The following SOX5 variants were observed in gnomAD, a reference collection of about 807,000 sequenced individuals.
The protein encoded by SOX5 is SRY-box transcription factor 5.
In SOX5, 9 loss-of-function variants were observed where a neutral mutation model predicts 92.0. The observed-to-expected ratio is 0.10, with a 90% CI of 0.06 to 0.17. The LOEUF (loss-of-function observed/expected upper bound fraction) is 0.17, where lower values mean the gene tolerates loss of function less well. Among genes scored for constraint, SOX5 ranks in the 10% least tolerant of loss-of-function variants. The probability of loss-of-function intolerance (pLI) is 1.00; values close to 1 mark genes in which losing one functional copy is unlikely to be tolerated. For missense variants in SOX5, 642 were observed against 944.5 expected, an observed-to-expected ratio of 0.68 and a Z score of 4.20; for synonymous variants, 344 against 336.3, an observed-to-expected ratio of 1.02 and a Z score of -0.25.
intron 6 of SOX5, among the ~76,000 whole-genome samples, chr12:23,705,617 T>A (rs2091288150): frequency 6.6e-6 from 1 of 152,044 alleles, no homozygotes; most frequent in Non-Finnish European, 1.5e-5. Flanking sequence ...TATAAAGGCC[T>A]TATTTTCCTA....
At chr12:23,766,967 A>G (rs1284991189) in intron 3 of SOX5, among the ~76,000 whole-genome samples, 1 of 152,154 alleles carries the variant, frequency 6.6e-6, no homozygotes, top group Non-Finnish European at 1.5e-5. Flanking sequence ...TAATCCCAGC[A>G]CTTTGGGAAG....
chr12:23,818,657 A>G lies in SOX5; in HGVS notation c.481+27326T>C, dbSNP rs137928709. ...TTCTACTTTATAAGCTTTTAAATTA[A>G]TTTTATAATTAATTAAATTAACTTT... On this transcript the variant is annotated intron_variant, in intron 3 of 14. Transcript: ENST00000451604. 4.6e-3 allele frequency among the ~76,000 whole-genome samples: 701 copies of G among 152,330 alleles called. 10 individuals carry two copies. Among genetic ancestry groups the G allele is most frequent in the African/African-American group, 0.016 (659 of 41,580 alleles).
chr12:24,554,173 C>T (rs995086248), intron 1 of SOX5, among the ~76,000 whole-genome samples: 3 of 152,288 alleles, frequency 2.0e-5, no homozygotes, highest in South Asian at 2.1e-4. Flanking sequence ...CATCAAACAA[C>T]GTCAGCTCTT....
chr12:23,951,813 G>A (rs1198180623), upstream of SOX5, among the ~76,000 whole-genome samples: 1 of 152,044 alleles, frequency 6.6e-6, no homozygotes, highest in African/African-American at 2.4e-5. Context: ...TTCACTTTCA[G>A]CAGTTGGGGA....
intron 3 of SOX5, among the ~76,000 whole-genome samples, chr12:24,261,423 A>C (rs1942070451): frequency 6.6e-6 from 1 of 152,166 alleles, no homozygotes; most frequent in Non-Finnish European, 1.5e-5. Flanking sequence ...GCATTTACAC[A>C]GTTTCTGTTG....
intron 4 of SOX5, among the ~76,000 whole-genome samples, chr12:24,139,510 T>C (rs551329066): frequency 4.2e-4 from 64 of 152,356 alleles, no homozygotes; most frequent in Middle Eastern, 3.4e-3. Context: ...TTGTGGTCAA[T>C]TGGTCAAAAC....
chr12:23,758,047 TTAAGAC>T (rs2094453393), intron 3 of SOX5, among the ~76,000 whole-genome samples: 1 of 150,412 alleles, frequency 6.6e-6, no homozygotes, highest in Admixed American at 6.6e-5. Flanking sequence ...AATAACTTCT[TTAAGAC>T]TAAGTTATTT....
At chr12:24,328,962 T>A (rs1158150006) in intron 2 of SOX5, among the ~76,000 whole-genome samples, 1 of 152,174 alleles carries the variant, frequency 6.6e-6, no homozygotes, top group Non-Finnish European at 1.5e-5. Context: ...ATACAAAATA[T>A]TTCTATTGGT....
At chr12:23,555,701 C>T (rs1003341709) in intron 11 of SOX5, among the ~76,000 whole-genome samples, 1 of 152,160 alleles carries the variant, frequency 6.6e-6, no homozygotes, top group African/African-American at 2.4e-5. Flanking sequence ...ACACAAACTC[C>T]ATGAAGCAAA....
At chr12:24,183,230 T>C (rs1219456234) in intron 4 of SOX5, among the ~76,000 whole-genome samples, 3 of 152,204 alleles carry the variant, frequency 2.0e-5, no homozygotes, top group African/African-American at 7.2e-5. Context: ...TAAAACCATA[T>C]ACTACTCCAC....
At chr12:24,278,789 A>G (rs1944807225) in intron 2 of SOX5, among the ~76,000 whole-genome samples, 1 of 152,138 alleles carries the variant, frequency 6.6e-6, no homozygotes, top group Admixed American at 6.6e-5. Context: ...CTGAAGTAGA[A>G]TAAAGGCTGT....
chr12:24,173,896 G>A (rs751658718), intron 4 of SOX5, among the ~76,000 whole-genome samples: 43 of 152,122 alleles, frequency 2.8e-4, no homozygotes, highest in Non-Finnish European at 2.8e-4. Flanking sequence ...GTTTCCCTGG[G>A]AGCAGCATGC....
intron 8 of SOX5, 25 bp from the exon 9 acceptor site, chr12:23,604,558 G>C (rs375339401): frequency 6.2e-7 from 1 of 1,606,374 alleles, no homozygotes; most frequent in Non-Finnish European, 8.5e-7. Flanking sequence ...GAGAGAGAGG[G>C]AGAAAGAATA....
In SOX5 at chr12:23,533,443, G is replaced by A; in HGVS notation, c.*776C>T. The A allele has an allele frequency of 5.3e-6, 1 of 189,054 alleles. No individual in the cohort carries two copies. Among genetic ancestry groups the A allele is most frequent in the Non-Finnish European group, 1.1e-5 (1 of 88,770 alleles). The allele number at this position is 189,054 out of a possible 1,614,324, so 11.7% of individuals were successfully genotyped here. A position where few individuals can be genotyped will look rare whatever the true frequency, so the allele number is the denominator to read the frequency against. On this transcript the variant is annotated 3_prime_UTR_variant, in exon 15 of 15. Coordinates refer to ENST00000451604, the MANE Select transcript of SOX5 (RefSeq NM_006940.6). Reference sequence around the variant, plus strand: ...ATTTAACACTGTCCTAACTTAAGAAGGAAAAGGAAAAAGTAAAGAGAAAAA... The same window carrying A: ...ATTTAACACTGTCCTAACTTAAGAAAGAAAAGGAAAAAGTAAAGAGAAAAA...
At chr12:23,551,487 T>G (rs944332147) in intron 11 of SOX5, among the ~76,000 whole-genome samples, 1 of 151,748 alleles carries the variant, frequency 6.6e-6, no homozygotes, top group African/African-American at 2.4e-5. Flanking sequence ...AAATGATATA[T>G]AAACTATATG....
At chr12:23,804,652 A>G (rs989093211) in intron 3 of SOX5, among the ~76,000 whole-genome samples, 2 of 151,708 alleles carry the variant, frequency 1.3e-5, no homozygotes, top group Non-Finnish European at 2.9e-5. Context: ...ATGGTACCCG[A>G]TGCATTTTAA....
intron 2 of SOX5, among the ~76,000 whole-genome samples, chr12:23,854,884 G>A (rs1255059619): frequency 1.3e-5 from 2 of 152,008 alleles, no homozygotes; most frequent in Non-Finnish European, 2.9e-5. Context: ...AAAATATAAT[G>A]AGTTATATGA....
chr12:23,989,929 G>A (rs2136246609), intron 4 of SOX5, among the ~76,000 whole-genome samples: 1 of 152,078 alleles, frequency 6.6e-6, no homozygotes, highest in East Asian at 1.9e-4. Context: ...CTCAACTTTA[G>A]AAAGAGAAAA....
intron 1 of SOX5, among the ~76,000 whole-genome samples, chr12:24,421,673 G>A (rs2136937764): frequency 6.6e-6 from 1 of 152,154 alleles, no homozygotes; most frequent in South Asian, 2.1e-4. Flanking sequence ...CTTCTTGTTT[G>A]CTACCCAATA....
Sources: gnomAD v4.1 joint callset for allele counts (sites outside exome capture counted in the v4.1 genomes callset) on GRCh38, gnomAD v4.1.1 for gene constraint, MANE v1.5 for transcripts, NCBI Gene and HGNC (gene_info 2026-07-23, HGNC 2026-07-21) for gene names.